Variants in EFNA5 observed in about 807,000 individuals in gnomAD.
The protein encoded by EFNA5 is ephrin A5, also known as ephrin-A5.
EFNA5 carries 5 observed loss-of-function variants against 22.9 expected under a neutral mutation model. The ratio of observed to expected loss-of-function variants is 0.22; its 90% confidence interval spans 0.11 to 0.46. EFNA5 has a LOEUF of 0.46. Ranked by LOEUF, EFNA5 falls within the 20% of genes least tolerant of loss-of-function variation. The pLI is 0.99. For missense variants in EFNA5, 237 were observed against 293.3 expected, an observed-to-expected ratio of 0.81 and a Z score of 1.40; for synonymous variants, 113 against 112.2, an observed-to-expected ratio of 1.01 and a Z score of -0.04.
chr5:107,390,175 A>C (rs554185095), intron 2 of EFNA5, among the ~76,000 whole-genome samples: 1 of 152,294 alleles, frequency 6.6e-6, no homozygotes, highest in African/African-American at 2.4e-5. Flanking sequence ...AACAAACAAA[A>C]AAATCCAAAA....
At chr5:107,474,308 T>C (rs1391345670) in intron 1 of EFNA5, among the ~76,000 whole-genome samples, 2 of 152,180 alleles carry the variant, frequency 1.3e-5, no homozygotes, top group African/African-American at 4.8e-5. Flanking sequence ...CCATGAAAGT[T>C]TGCATCCCTT....
chr5:107,490,355 C>A (rs561490635), intron 1 of EFNA5, among the ~76,000 whole-genome samples: 1 of 152,294 alleles, frequency 6.6e-6, no homozygotes, highest in African/African-American at 2.4e-5. Context: ...CTCCACCTCC[C>A]AAGTAGCTGA....
chr5:107,558,093 T>G (rs528901879), intron 1 of EFNA5, among the ~76,000 whole-genome samples: 12 of 152,146 alleles, frequency 7.9e-5, no homozygotes, highest in African/African-American at 2.9e-4. Context: ...AAAAAAAGTC[T>G]GAGAGGGGGA....
intron 1 of EFNA5, among the ~76,000 whole-genome samples, chr5:107,554,170 A>G (rs1315962359): frequency 6.6e-6 from 1 of 152,216 alleles, no homozygotes; most frequent in African/African-American, 2.4e-5. Context: ...ATTTGTTAGC[A>G]CTGTTTTAAA....
chr5:107,445,888 TAA>T (rs779025949), intron 1 of EFNA5, among the ~76,000 whole-genome samples: 35 of 152,238 alleles, frequency 2.3e-4, no homozygotes, highest in Non-Finnish European at 3.1e-4. Flanking sequence ...CAGAGTTGAT[TAA>T]AGATGTTTCA....
chr5:107,409,214 G>A (rs1380596163), intron 2 of EFNA5, among the ~76,000 whole-genome samples: 2 of 152,310 alleles, frequency 1.3e-5, no homozygotes, highest in African/African-American at 4.8e-5. Flanking sequence ...CTCATCTTTC[G>A]TCTTTGGATC....
At chr5:107,533,930 T>A (rs1178892000) in intron 1 of EFNA5, among the ~76,000 whole-genome samples, 6 of 152,184 alleles carry the variant, frequency 3.9e-5, no homozygotes, top group Non-Finnish European at 8.8e-5. Flanking sequence ...GAACCACACT[T>A]TACCTTGGCT....
chr5:107,643,606 C>T (rs895687629), intron 1 of EFNA5, among the ~76,000 whole-genome samples: 1 of 151,432 alleles, frequency 6.6e-6, no homozygotes, highest in Non-Finnish European at 1.5e-5. Context: ...ATTAAAACCC[C>T]GAAGGGAAGT....
At chr5:107,622,240 A>T (rs930203406) in intron 1 of EFNA5, among the ~76,000 whole-genome samples, 3 of 152,188 alleles carry the variant, frequency 2.0e-5, no homozygotes, top group African/African-American at 7.2e-5. Flanking sequence ...CCATAAGGAC[A>T]TAAACTACAT....
chr5:107,565,210 CA>C (rs934869132), intron 1 of EFNA5, among the ~76,000 whole-genome samples: 1 of 151,704 alleles, frequency 6.6e-6, no homozygotes, highest in Non-Finnish European at 1.5e-5. Context: ...ACACCAGGAA[CA>C]AAAAAAATAT....
chr5:107,432,289 C>T (rs984128030), intron 1 of EFNA5, among the ~76,000 whole-genome samples: 1 of 152,234 alleles, frequency 6.6e-6, no homozygotes, highest in African/African-American at 2.4e-5. Flanking sequence ...AAGCAGCTTT[C>T]ATGAGCTCTA....
intron 1 of EFNA5, among the ~76,000 whole-genome samples, chr5:107,443,263 A>G (rs558497830): frequency 6.6e-6 from 1 of 152,364 alleles, no homozygotes; most frequent in East Asian, 1.9e-4. Flanking sequence ...AGTTCCTTAT[A>G]TACCCAGCTC....
chr5:107,668,858 CTTCT>C (rs1382962042), intron 1 of EFNA5, among the ~76,000 whole-genome samples: 1 of 152,108 alleles, frequency 6.6e-6, no homozygotes, highest in Non-Finnish European at 1.5e-5. Flanking sequence ...GGCAGGATGG[CTTCT>C]TTTTCTCTTT....
chr5:107,539,223 G>A (rs1747993674), intron 1 of EFNA5, among the ~76,000 whole-genome samples: 1 of 152,196 alleles, frequency 6.6e-6, no homozygotes, highest in Non-Finnish European at 1.5e-5. Flanking sequence ...TTTAATTTAC[G>A]ATGCTAAAAA....
At position 107,670,573 on chromosome 5, in the gene EFNA5, A is replaced by T. The variant is rs375348285; in HGVS notation, c.41T>A (p.Leu14His). ...GTCCTGGCTGAACACACACATCCAGAGCACCAGAAACACCAGCGTCAACAT... is the reference window on the plus strand; with the variant it reads ...GTCCTGGCTGAACACACACATCCAGTGCACCAGAAACACCAGCGTCAACAT... Reference protein sequence around the residue: ...VEMLTLVFLVLWMCVFSQDPG... With the variant: ...VEMLTLVFLVHWMCVFSQDPG... The change falls in exon 1 of 5, where the codon CTC becomes CAC. Residue 14 changes from leucine (L) to histidine (H), a missense_variant. Physicochemically the swap from Leu to His is moderately conservative, Grantham distance 99. This residue lies in a region of EFNA5 where 120 missense variants were observed against 140.5 expected (regional missense o/e 0.85). Transcript: ENST00000333274. The T allele has an allele frequency of 6.4e-5, 102 of 1,602,378 alleles. No homozygotes were observed. The highest frequency in any genetic ancestry group is 8.3e-5 in the Non-Finnish European group (98 of 1,174,938).
At chr5:107,472,943 T>C (rs2112387876) in intron 1 of EFNA5, among the ~76,000 whole-genome samples, 2 of 152,292 alleles carry the variant, frequency 1.3e-5, no homozygotes, top group Middle Eastern at 6.8e-3. Context: ...ACCTTTGATA[T>C]TCTTAGCCCC....
chr5:107,630,302 T>C (rs535502665), intron 1 of EFNA5, among the ~76,000 whole-genome samples: 9 of 152,302 alleles, frequency 5.9e-5, no homozygotes, highest in African/African-American at 2.2e-4. Context: ...GTGAAAGTCA[T>C]ACAGTGTACT....
At position 107,564,746 on chromosome 5, in the gene EFNA5, T is replaced by C. The variant is rs901507967; in HGVS notation, c.125+105743A>G. On this transcript the variant is annotated intron_variant, in intron 1 of 4. Coordinates refer to ENST00000333274, the MANE Select transcript of EFNA5 (RefSeq NM_001962.3). ...CTTCTAGTTTTCTCAAGGGTCCTTTTTCAGATTTAAAATTATTAATTTGTT... is the reference window on the plus strand; with the variant it reads ...CTTCTAGTTTTCTCAAGGGTCCTTTCTCAGATTTAAAATTATTAATTTGTT... 2.4e-4 allele frequency among the ~76,000 whole-genome samples: 36 copies of C among 152,080 alleles called. 1 individual carries two copies. The highest frequency in any genetic ancestry group is 2.0e-3 in the Admixed American group (31 of 15,286).
chr5:107,530,899 T>C (rs1747797070), intron 1 of EFNA5, among the ~76,000 whole-genome samples: 1 of 152,222 alleles, frequency 6.6e-6, no homozygotes, highest in Non-Finnish European at 1.5e-5. Context: ...CCTGGGACAT[T>C]GCCTCTCCTG....
Sources: allele counts gnomAD v4.1 joint callset (sites outside exome capture counted in the v4.1 genomes callset), GRCh38; gene constraint gnomAD v4.1.1; regional missense constraint gnomAD v4.1.1; transcripts MANE v1.5; gene names NCBI Gene and HGNC (gene_info 2026-07-23, HGNC 2026-07-21).